Variants in GADL1 observed in about 807,000 individuals in gnomAD.
The protein encoded by GADL1 is GAD like acidic amino acid decarboxylase 1, also known as acidic amino acid decarboxylase GADL1.
A neutral mutation model predicts 69.5 loss-of-function variants in GADL1; 71 were observed. The observed-to-expected ratio is 1.02, with a 90% CI of 0.84 to 1.25. GADL1 has a LOEUF of 1.25. GADL1 is among the 50% of genes most tolerant of loss of function. GADL1 has a pLI of 0.00. For synonymous variants in GADL1, 254 were observed against 214.4 expected (o/e 1.18, Z -1.62); for missense variants, 737 against 631.8 (o/e 1.17, Z -1.79).
chr3:30,888,595 C>T (rs1698740079), intron 1 of GADL1, among the ~76,000 whole-genome samples: 1 of 152,012 alleles, frequency 6.6e-6, no homozygotes, highest in Non-Finnish European at 1.5e-5. Context: ...AAGTGGGACG[C>T]AATAGGGGTA....
At chr3:30,874,387 T>C (rs1477046168) in intron 1 of GADL1, among the ~76,000 whole-genome samples, 1 of 151,960 alleles carries the variant, frequency 6.6e-6, no homozygotes, top group South Asian at 2.1e-4. Context: ...TAACAGATCA[T>C]AGTGACACTG....
chr3:30,792,327 CTG>C (rs1193780772), intron 12 of GADL1, among the ~76,000 whole-genome samples: 1 of 152,156 alleles, frequency 6.6e-6, no homozygotes, highest in South Asian at 2.1e-4. Context: ...AATCCTAGCA[CTG>C]TGGGAGGCTG....
intron 2 of GADL1, among the ~76,000 whole-genome samples, chr3:30,861,243 A>G (rs950720020): frequency 7.2e-5 from 11 of 151,780 alleles, no homozygotes; most frequent in African/African-American, 2.7e-4. Context: ...ATGGGGAGCA[A>G]AGAGCATTAG....
At chr3:30,892,664 TTCTA>T (rs1377646957) in intron 1 of GADL1, among the ~76,000 whole-genome samples, 3 of 152,186 alleles carry the variant, frequency 2.0e-5, no homozygotes, top group African/African-American at 7.2e-5. Context: ...TTTTAAAAGT[TTCTA>T]TCATATTTCT....
chr3:30,804,732 C>T (rs61049926), intron 11 of GADL1, among the ~76,000 whole-genome samples: 8,915 of 152,230 alleles, frequency 0.059, 622 homozygotes, highest in African/African-American at 0.15. Flanking sequence ...GAAGTGAATC[C>T]GGTTATACTG....
At chr3:30,884,407 C>T (rs1012580493) in intron 1 of GADL1, among the ~76,000 whole-genome samples, 5 of 151,932 alleles carry the variant, frequency 3.3e-5, no homozygotes, top group Non-Finnish European at 7.4e-5. Context: ...AAGGGACAGT[C>T]CTTAAAGAGG....
At chr3:30,781,061 T>C (rs1696654575) in intron 13 of GADL1, among the ~76,000 whole-genome samples, 1 of 152,198 alleles carries the variant, frequency 6.6e-6, no homozygotes, top group Non-Finnish European at 1.5e-5. Flanking sequence ...TTGGGTGTCC[T>C]GAGAACACAT....
At chr3:30,832,339 T>TAAA (rs72276746) in intron 11 of GADL1, among the ~76,000 whole-genome samples, 16 of 139,286 alleles carry the variant, frequency 1.1e-4, no homozygotes, top group African/African-American at 4.1e-4. Flanking sequence ...ATGAATTCTT[T>TAAA]AAAAAAAAAA....
intron 11 of GADL1, among the ~76,000 whole-genome samples, chr3:30,817,155 CTG>C (rs1697491180): frequency 6.6e-6 from 1 of 152,098 alleles, no homozygotes; most frequent in Non-Finnish European, 1.5e-5. Flanking sequence ...GCATGCGTGT[CTG>C]TTTTTGGTTC....
intron 1 of GADL1, among the ~76,000 whole-genome samples, chr3:30,868,668 G>A (rs1698438657): frequency 6.6e-6 from 1 of 151,874 alleles, no homozygotes; most frequent in East Asian, 1.9e-4. Flanking sequence ...CAGTCTATAT[G>A]AACTCTCTTT....
chr3:30,768,492 A>ATT (rs1696338513), intron 14 of GADL1, among the ~76,000 whole-genome samples: 1 of 148,166 alleles, frequency 6.7e-6, no homozygotes, highest in African/African-American at 2.5e-5. Context: ...ATATTTATCA[A>ATT]TTGAGGGGGA....
At chr3:30,792,434 G>A (rs1244446330) in intron 12 of GADL1, among the ~76,000 whole-genome samples, 12 of 152,084 alleles carry the variant, frequency 7.9e-5, no homozygotes, top group Non-Finnish European at 1.3e-4. Flanking sequence ...TTAGCCGGGT[G>A]TAGAAGTGTA....
At chr3:30,887,180 T>C (rs976940945) in intron 1 of GADL1, among the ~76,000 whole-genome samples, 2 of 152,172 alleles carry the variant, frequency 1.3e-5, no homozygotes, top group Non-Finnish European at 2.9e-5. Context: ...ACTTAGCATA[T>C]GCAGTCAAGG....
intron 11 of GADL1, among the ~76,000 whole-genome samples, chr3:30,803,282 C>T (rs1255213014): frequency 6.6e-6 from 1 of 152,114 alleles, no homozygotes; most frequent in Non-Finnish European, 1.5e-5. Context: ...CATCTCCCTG[C>T]CCTCAAAAGT....
chr3:30,760,950 T>C (rs1396288978), intron 14 of GADL1, among the ~76,000 whole-genome samples: 1 of 149,080 alleles, frequency 6.7e-6, no homozygotes, highest in African/African-American at 2.5e-5. Context: ...TGTCCTGTGC[T>C]GTTCTAAAAA....
chr3:30,836,102 C>A (rs1212911406), intron 9 of GADL1, among the ~76,000 whole-genome samples: 1 of 152,000 alleles, frequency 6.6e-6, no homozygotes, highest in Non-Finnish European at 1.5e-5. Context: ...TCTTATCCCC[C>A]AACCTCTCTG....
chr3:30,778,157 A>T, intron 14 of GADL1, 22 bp downstream of exon 14: 2 of 1,360,004 alleles, frequency 1.5e-6, no homozygotes, highest in South Asian at 2.3e-5. Context: ...AAAAAGAAAA[A>T]TACCATTTAC....
At chr3:30,875,171 G>T (rs1230125398) in intron 1 of GADL1, among the ~76,000 whole-genome samples, 1 of 150,112 alleles carries the variant, frequency 6.7e-6, no homozygotes. Flanking sequence ...CTGTCTAGTG[G>T]TCAAAGCAAG....
At chr3:30,791,441 A>G (rs1696912801) in intron 12 of GADL1, among the ~76,000 whole-genome samples, 1 of 152,156 alleles carries the variant, frequency 6.6e-6, no homozygotes. Context: ...GCCTGCCTCC[A>G]CTTCCTCATG....
Sources: gnomAD v4.1 joint callset for allele counts (sites outside exome capture counted in the v4.1 genomes callset) on GRCh38, gnomAD v4.1.1 for gene constraint, MANE v1.5 for transcripts, NCBI Gene and HGNC (gene_info 2026-07-23, HGNC 2026-07-21) for gene names.